Variants in RAB27A observed in about 807,000 individuals in gnomAD.
The protein encoded by RAB27A is ras-related protein Rab-27A.
Under a neutral mutation model 20.8 loss-of-function variants are expected in RAB27A, and 17 were observed. The observed-to-expected ratio is 0.82, with a 90% CI of 0.56 to 1.23. The LOEUF (loss-of-function observed/expected upper bound fraction) is 1.23, where lower values mean the gene tolerates loss of function less well. Among genes scored for constraint, RAB27A ranks in the 50% most tolerant of loss-of-function variants. The pLI, the probability that RAB27A is intolerant of heterozygous loss-of-function variation, is 0.00. For missense variants in RAB27A, 277 were observed against 266.7 expected (o/e 1.04, Z -0.27); for synonymous variants, 85 against 92.8 (o/e 0.92, Z 0.48).
chr15:55,262,992 A>T (rs931955291), intron 2 of RAB27A, among the ~76,000 whole-genome samples: 5 of 152,204 alleles, frequency 3.3e-5, no homozygotes, highest in African/African-American at 1.2e-4. Context: ...AATGGGTGTC[A>T]ACTTTATCAC....
intron 2 of RAB27A, among the ~76,000 whole-genome samples, chr15:55,241,589 G>C (rs1896479801): frequency 7.8e-6 from 1 of 127,394 alleles, no homozygotes; most frequent in South Asian, 2.2e-4. Context: ...CAGGCAACTA[G>C]CAAGACCTAT....
chr15:55,283,114 G>A (rs768245184), intron 1 of RAB27A, among the ~76,000 whole-genome samples: 3 of 152,024 alleles, frequency 2.0e-5, no homozygotes, highest in African/African-American at 4.8e-5. Flanking sequence ...TCTTAGCGTC[G>A]GCACTGTTGA....
chr15:55,241,624 A>ATATATATG lies in RAB27A; in HGVS notation c.-22-6669_-22-6668insCATATATA, dbSNP rs377301086. ...TTTATATATATATATATATATATAT[A>ATATATATG]TGTGTGTATATATATTTGTTTTTTT... On this transcript the variant is annotated intron_variant, in intron 2 of 6. Coordinates refer to ENST00000336787, the MANE Select transcript of RAB27A (RefSeq NM_183235.3). 6.4e-3 allele frequency among the ~76,000 whole-genome samples: 749 copies of ATATATATG among 117,614 alleles called. 9 individuals are homozygous for ATATATATG. Among genetic ancestry groups the ATATATATG allele is most frequent in the African/African-American group, 8.9e-3 (203 of 22,888 alleles). The allele number at this position is 117,614 out of a possible 152,430, so 77.2% of individuals were successfully genotyped here. A position where few individuals can be genotyped will look rare whatever the true frequency, so the allele number is the denominator to read the frequency against.
At chr15:55,274,474 A>C (rs1271202468) in intron 1 of RAB27A, among the ~76,000 whole-genome samples, 2 of 151,758 alleles carry the variant, frequency 1.3e-5, no homozygotes, top group African/African-American at 4.8e-5. Flanking sequence ...TTTTTGAAAA[A>C]ATAAACAAAA....
chr15:55,258,640 A>T (rs111550749), intron 2 of RAB27A, among the ~76,000 whole-genome samples: 2,158 of 152,234 alleles, frequency 0.014, 61 homozygotes, highest in African/African-American at 0.05. Flanking sequence ...GTTGTTTTAC[A>T]CTCCCAACTT....
Position 55,265,099 on chromosome 15 carries a change from G to A in RAB27A, c.-23+5066C>T, listed in dbSNP as rs371308845. On this transcript the variant is annotated intron_variant, in intron 2 of 6. Coordinates refer to ENST00000336787, the MANE Select transcript of RAB27A (RefSeq NM_183235.3). ...CTCTACTAAAAATACAAAATTAGCCGGGCGTGGCGGCGCATGCCTGTAATC... is the reference window on the plus strand; with the variant it reads ...CTCTACTAAAAATACAAAATTAGCCAGGCGTGGCGGCGCATGCCTGTAATC... Among the ~76,000 whole-genome samples, 766 of 152,168 alleles carry A rather than the reference G, an allele frequency of 5.0e-3. 2 individuals carry two copies. Among genetic ancestry groups the A allele is most frequent in the Non-Finnish European group, 6.6e-3 (452 of 68,010 alleles).
intron 6 of RAB27A, among the ~76,000 whole-genome samples, chr15:55,218,667 A>G (rs961364533): frequency 6.6e-6 from 1 of 152,066 alleles, no homozygotes; most frequent in African/African-American, 2.4e-5. Context: ...GGAGAACATC[A>G]TCTTAAATTT....
At chr15:55,304,169 C>A (rs2054987800) in intron 2 of RAB27A, among the ~76,000 whole-genome samples, 1 of 152,164 alleles carries the variant, frequency 6.6e-6, no homozygotes, top group East Asian at 1.9e-4. Flanking sequence ...TTACCCCCAA[C>A]CCTGTGCTCT....
intron 1 of RAB27A, among the ~76,000 whole-genome samples, chr15:55,286,228 C>T (rs2141129555): frequency 6.6e-6 from 1 of 152,324 alleles, no homozygotes. Context: ...GCTCTGTCTT[C>T]TGTTCCCTTT....
At chr15:55,228,503 C>T in intron 5 of RAB27A, 106 bp downstream of exon 5, 2 of 892,068 alleles carry the variant, frequency 2.2e-6, no homozygotes, top group Admixed American at 1.9e-5. Flanking sequence ...AGTATTTGCA[C>T]TAAGATCTCC....
rs553636856 is a variant in RAB27A at position 55,267,362 on chromosome 15, AAAGCAGATTCTGCCTTC to A, written c.-23+2786_-23+2802del. ...GGATGATTTATACCCGTGTTTGAGC[AAAGCAGATTCTGCCTTC>A]AGAGAAGCAGCAGCAAAGATAGCTC... On this transcript the variant is annotated intron_variant, in intron 2 of 6. Transcript: ENST00000336787. Among the ~76,000 whole-genome samples, 506 of 152,332 alleles carry A rather than the reference AAAGCAGATTCTGCCTTC, an allele frequency of 3.3e-3. 1 individual carries two copies. Among genetic ancestry groups the A allele is most frequent in the African/African-American group, 0.012 (480 of 41,592 alleles).
intron 1 of RAB27A, among the ~76,000 whole-genome samples, chr15:55,275,281 A>T (rs1041939554): frequency 4.6e-5 from 7 of 151,914 alleles, no homozygotes; most frequent in African/African-American, 1.7e-4. Flanking sequence ...GACAAAAAAA[A>T]GTGGGATTAC....
intron 2 of RAB27A, among the ~76,000 whole-genome samples, chr15:55,296,381 A>G (rs530849312): frequency 1.3e-5 from 2 of 152,070 alleles, no homozygotes; most frequent in Middle Eastern, 3.4e-3. Context: ...CTGTGGTCCC[A>G]GCTACTCGGG....
chr15:55,249,048 T>C (rs1896792431), intron 2 of RAB27A: 1 of 152,216 alleles, frequency 6.6e-6, no homozygotes, highest in Non-Finnish European at 1.5e-5. Context: ...CAGAACTGAC[T>C]GTTTGCATTT....
intron 2 of RAB27A, among the ~76,000 whole-genome samples, chr15:55,251,332 C>G (rs16976229): frequency 0.13 from 20,281 of 152,094 alleles, 1,740 homozygotes; most frequent in African/African-American, 0.22. Flanking sequence ...ACCATCATTG[C>G]GTCATTCCTG....
intron 3 of RAB27A, among the ~76,000 whole-genome samples, chr15:55,230,869 T>A (rs1490142983): frequency 6.6e-6 from 1 of 152,140 alleles, no homozygotes; most frequent in Non-Finnish European, 1.5e-5. Context: ...GCTTGTTACG[T>A]AGATAGATTG....
chr15:55,283,525 C>T (rs926386596), intron 1 of RAB27A, among the ~76,000 whole-genome samples: 3 of 152,272 alleles, frequency 2.0e-5, no homozygotes, highest in Non-Finnish European at 4.4e-5. Flanking sequence ...GACAGCTGAC[C>T]TTGTCCCTAA....
chr15:55,279,493 T>A (rs1897959451), intron 1 of RAB27A, among the ~76,000 whole-genome samples: 1 of 152,236 alleles, frequency 6.6e-6, no homozygotes, highest in East Asian at 1.9e-4. Flanking sequence ...TGTAAGCCAC[T>A]GTTCTAGGGA....
At chr15:55,220,972 T>G (rs2140949244) in intron 6 of RAB27A, among the ~76,000 whole-genome samples, 1 of 152,216 alleles carries the variant, frequency 6.6e-6, no homozygotes, top group Non-Finnish European at 1.5e-5. Context: ...AAATCCTCTT[T>G]TCTCATTTTA....
Sources: allele counts gnomAD v4.1 joint callset (sites outside exome capture counted in the v4.1 genomes callset), GRCh38; gene constraint gnomAD v4.1.1; transcripts MANE v1.5; gene names NCBI Gene and HGNC (gene_info 2026-07-23, HGNC 2026-07-21).